CPA1: variants seen among roughly 807,000 people sequenced by gnomAD.
The protein encoded by CPA1 is carboxypeptidase A1.
In CPA1, 42 loss-of-function variants were observed where a neutral mutation model predicts 48.7. The observed-to-expected ratio is 0.86, with a 90% confidence interval of 0.67 to 1.11. The LOEUF (loss-of-function observed/expected upper bound fraction) is 1.11. Ranked by LOEUF, CPA1 falls within the 50% of genes most tolerant of loss-of-function variation. CPA1 has a pLI of 0.00. For synonymous variants in CPA1, 203 were observed against 217.9 expected (o/e 0.93, Z 0.60); for missense variants, 477 against 544.7 (o/e 0.88, Z 1.24).
chr7:130,382,027 C>A (rs1554411289), intron 3 of CPA1, 81 bp from the exon 4 acceptor site: 4 of 1,300,154 alleles, frequency 3.1e-6, no homozygotes, highest in Non-Finnish European at 4.4e-6. Context: ...TCGCAGCAGG[C>A]TGGGACGGTG....
Position 130,384,543 on chromosome 7 carries a change from T to C in CPA1, c.704T>C (p.Met235Thr). The change falls in exon 7 of 10, where the codon ATG becomes ACG. Residue 235 changes from methionine (M) to threonine (T), a missense_variant. Met to Thr is a moderately conservative substitution (Grantham distance 81, BLOSUM62 -1). Coordinates refer to ENST00000011292, the MANE Select transcript of CPA1 (RefSeq NM_001868.4). ...TCCCATTTCCTTCCTCAGAATCGCATGTGGCGCAAGACTCGGTCCCACACA... is the reference window on the plus strand; with the variant it reads ...TCCCATTTCCTTCCTCAGAATCGCACGTGGCGCAAGACTCGGTCCCACACA... ...GFAFTHSTNR[M>T]WRKTRSHTAG... The C allele has an allele frequency of 6.2e-7, 1 of 1,614,148 alleles. No individual in the cohort carries two copies. Among genetic ancestry groups the C allele is most frequent in the Non-Finnish European group, 8.5e-7 (1 of 1,179,990 alleles).
chr7:130,380,620 G>T, intron 1 of CPA1, 35 bp downstream of exon 1: 1 of 1,201,534 alleles, frequency 8.3e-7, no homozygotes, highest in Non-Finnish European at 1.1e-6. Flanking sequence ...GCCCTCTGAG[G>T]GTGATGGGGA....
chr7:130,381,689 C>T lies in CPA1; in HGVS notation c.207C>T (p.Phe69=). ...PGSPIDVRVP[F]PSIQAVKIFL... ...CCCCCATCGACGTCCGAGTGCCCTT[C>T]CCCAGCATCCAGGCGGTCAAGATCT... The change falls in exon 3 of 10, where the codon TTC becomes TTT. Residue 69 remains phenylalanine (F), a synonymous_variant. Transcript: ENST00000011292. 6.2e-7 allele frequency: 1 copy of T among 1,614,146 alleles called. No individual in the cohort carries two copies. The highest frequency in any genetic ancestry group is 1.1e-5 in the South Asian group (1 of 91,084).
At chr7:130,386,187 G>T (rs879953069) in intron 9 of CPA1, among the ~76,000 whole-genome samples, 1 of 151,940 alleles carries the variant, frequency 6.6e-6, no homozygotes, top group Non-Finnish European at 1.5e-5. Context: ...GTTGGATGGG[G>T]TGGAGAGTCC....
rs782487942 is a variant in CPA1, at chr7:130,382,201, G to A, written c.475G>A (p.Val159Met). The A allele has an allele frequency of 1.9e-6, 3 of 1,613,648 alleles. No individual in the cohort carries two copies. The highest frequency in any genetic ancestry group is 1.1e-5 in the South Asian group (1 of 91,070). Residue 159 changes from valine (V) to methionine (M), a missense_variant, in exon 4 of 10, where the codon GTG becomes ATG. Val to Met is a conservative substitution (Grantham distance 21). Coordinates refer to ENST00000011292, the MANE Select transcript of CPA1 (RefSeq NM_001868.4). ...CACCTATGAAGGGCGTCCCATTTACGTGCTGAAGGTAACATCCACATGTGG... is the reference window on the plus strand; with the variant it reads ...CACCTATGAAGGGCGTCCCATTTACATGCTGAAGGTAACATCCACATGTGG... Reference protein sequence around the residue: ...GNTYEGRPIYVLKFSTGGSKR... With the variant: ...GNTYEGRPIYMLKFSTGGSKR...
intron 5 of CPA1, 82 bp downstream of exon 5, chr7:130,383,574 C>A: frequency 7.0e-7 from 1 of 1,437,026 alleles, no homozygotes; most frequent in Non-Finnish European, 9.7e-7. Flanking sequence ...CCTCCCTTTG[C>A]CCATCCAGAA....
At chr7:130,386,865 G>A (rs1345260595) in intron 9 of CPA1, among the ~76,000 whole-genome samples, 1 of 152,184 alleles carries the variant, frequency 6.6e-6, no homozygotes, top group Non-Finnish European at 1.5e-5. Flanking sequence ...GGTGAATCGG[G>A]AACACTGGGG....
rs34925618 is a variant in CPA1 at position 130,383,816 on chromosome 7, TG to T, written c.696+27del. 288,953 of 1,538,680 alleles carry T rather than the reference TG, an allele frequency of 0.19. 29,933 individuals are homozygous for T. The highest frequency in any genetic ancestry group is 0.33 in the Admixed American group (19,986 of 59,908). The stretch of plus-strand genomic sequence containing the variant: ...CACGGTACCGGCCTTCTCCTGTCCT[TG>T]GGGGAAGCAGGATGGGCCTCTGGCT... On this transcript the variant is annotated intron_variant, in intron 6 of 9. Transcript: ENST00000011292.
At position 130,381,619 on chromosome 7, in the gene CPA1, G is replaced by C. The variant is rs1349808238; in HGVS notation, c.148-11G>C. ...GCCCGCTGTGACCGTGCCGGCTCTT[G>C]TCCTCCCCAGCTGGACTTCTGGCGG... On this transcript the variant is annotated splice_polypyrimidine_tract_variant and intron_variant, in intron 2 of 9. Coordinates refer to ENST00000011292, the MANE Select transcript of CPA1 (RefSeq NM_001868.4). 34 of 1,610,208 alleles carry C rather than the reference G, an allele frequency of 2.1e-5. No homozygotes were observed. Among genetic ancestry groups the C allele is most frequent in the Non-Finnish European group, 2.8e-5 (33 of 1,177,460 alleles).
intron 8 of CPA1, among the ~76,000 whole-genome samples, chr7:130,385,636 C>A (rs1465475657): frequency 2.0e-5 from 3 of 152,204 alleles, no homozygotes; most frequent in Non-Finnish European, 4.4e-5. Context: ...GGAAGGCCAG[C>A]CGGACACCCT....
chr7:130,380,825 A>G, intron 1 of CPA1: 1 of 564,322 alleles, frequency 1.8e-6, no homozygotes, highest in Non-Finnish European at 3.1e-6. Context: ...GAGAGGAGAA[A>G]GGAGGAGGCC....
At chr7:130,385,373 C>A (rs567145944) in intron 8 of CPA1, 28 bp downstream of exon 8, 2 of 1,608,856 alleles carry the variant, frequency 1.2e-6, no homozygotes, top group Admixed American at 3.3e-5. Flanking sequence ...CTTGCCCCCT[C>A]GTCCCCAAGG....
chr7:130,387,124 G>A lies in CPA1; in HGVS notation c.1073-700G>A, dbSNP rs1796485523. 1.3e-5 allele frequency among the ~76,000 whole-genome samples: 2 copies of A among 152,192 alleles called. No individual in the cohort carries two copies. Among genetic ancestry groups the A allele is most frequent in the Non-Finnish European group, 2.9e-5 (2 of 68,040 alleles). Reference sequence around the variant, plus strand: ...GGTCAAAGCTGGGTAGAAGGCTGAGGGGGCAGGGCTGCGTACACACCTCAC... The same window carrying A: ...GGTCAAAGCTGGGTAGAAGGCTGAGAGGGCAGGGCTGCGTACACACCTCAC... On this transcript the variant is annotated intron_variant, in intron 9 of 9. Coordinates refer to ENST00000011292, the MANE Select transcript of CPA1 (RefSeq NM_001868.4). The surrounding 1 kb of genome is among the most constrained non-coding windows in gnomAD (Gnocchi z 4.6).
intron 3 of CPA1, 99 bp downstream of exon 3, chr7:130,381,962 G>A (rs1397988167): frequency 1.6e-6 from 2 of 1,230,888 alleles, no homozygotes; most frequent in Middle Eastern, 1.9e-4. Context: ...CTGGGTGTGC[G>A]CAGCGCCTGC....
chr7:130,386,120 T>C, intron 9 of CPA1, 197 bp downstream of exon 9: 3 of 548,516 alleles, frequency 5.5e-6, no homozygotes. Context: ...TTCAGACAAA[T>C]GTGAATTCCT....
chr7:130,381,998 C>A, intron 3 of CPA1, 110 bp from the exon 4 acceptor site: 2 of 1,196,332 alleles, frequency 1.7e-6, no homozygotes, highest in South Asian at 1.4e-5. Flanking sequence ...CCTGTGTGGT[C>A]GTAGCTCCAT....
intron 3 of CPA1, 117 bp downstream of exon 3, chr7:130,381,980 C>G: frequency 1.7e-6 from 2 of 1,197,098 alleles, no homozygotes; most frequent in Non-Finnish European, 2.4e-6. Context: ...TGCTCTGTTT[C>G]CATGTGGCCT....
rs782486022 is a variant in CPA1 at position 130,381,824 on chromosome 7, C to G, written c.342C>G (p.Thr114=). 24 of 1,614,104 alleles carry G rather than the reference C, an allele frequency of 1.5e-5. No homozygotes were observed. Among genetic ancestry groups the G allele is most frequent in the Non-Finnish European group, 1.6e-5 (19 of 1,180,026 alleles). Residue 114 remains threonine, a synonymous_variant, in exon 3 of 10, where the codon ACC becomes ACG. Coordinates refer to ENST00000011292, the MANE Select transcript of CPA1 (RefSeq NM_001868.4). ...CCTTCCGGTCCCGGGCGCGCTCCACCGACACTTTTAACTACGCCACCTACC... is the reference window on the plus strand; with the variant it reads ...CCTTCCGGTCCCGGGCGCGCTCCACGGACACTTTTAACTACGCCACCTACC... The part of the protein sequence containing the change: ...MFAFRSRARS[T]DTFNYATYHT...
Position 130,382,040 on chromosome 7 carries a change from G to T in CPA1, c.382-68G>T, listed in dbSNP as rs1796413273. ...GCTCGCAGCAGGCTGGGACGGTGGG[G>T]CTGCTAAGGGAAGCATCTGGGTGCC... On this transcript the variant is annotated intron_variant, in intron 3 of 9. Transcript: ENST00000011292. 4 of 1,364,086 alleles carry T rather than the reference G, an allele frequency of 2.9e-6. No homozygotes were observed. In the South Asian group the frequency reaches 4.9e-5, roughly 17 times the overall value. 84.5% of individuals were successfully genotyped at this position (1,364,086 alleles called of 1,614,324 possible). A position where few individuals can be genotyped will look rare whatever the true frequency, so the allele number is the denominator to read the frequency against.
Sources: allele counts gnomAD v4.1 joint callset (sites outside exome capture counted in the v4.1 genomes callset), GRCh38; gene constraint gnomAD v4.1.1; non-coding constraint Gnocchi (gnomAD v3.1); transcripts MANE v1.5; gene names NCBI Gene and HGNC (gene_info 2026-07-23, HGNC 2026-07-21).